Variants in LRP1B observed in about 807,000 individuals in gnomAD.
LRP1B encodes low-density lipoprotein receptor-related protein 1B.
LRP1B carries 217 observed loss-of-function variants against 556.6 expected under a neutral mutation model. The ratio of observed to expected loss-of-function variants is 0.39; its 90% CI spans 0.35 to 0.44. The LOEUF (loss-of-function observed/expected upper bound fraction) is 0.44. Among genes scored for constraint, LRP1B ranks in the 20% least tolerant of loss-of-function variants. LRP1B has a pLI of 1.00. For missense variants in LRP1B, 5,053 were observed against 5,620.8 expected, an observed-to-expected ratio of 0.90 and a Z score of 3.23; for synonymous variants, 2,047 against 1,865.8, an observed-to-expected ratio of 1.10 and a Z score of -2.50.
At chr2:141,428,433 C>T (rs1018482829) in intron 3 of LRP1B, among the ~76,000 whole-genome samples, 2 of 152,116 alleles carry the variant, frequency 1.3e-5, no homozygotes, top group Non-Finnish European at 2.9e-5. Flanking sequence ...AAATCTAATG[C>T]TAAGCTAAAA....
chr2:141,071,737 G>A (rs1699649584), intron 7 of LRP1B, among the ~76,000 whole-genome samples: 1 of 152,132 alleles, frequency 6.6e-6, no homozygotes, highest in South Asian at 2.1e-4. Flanking sequence ...CAAATCATGA[G>A]TGAGCTCCCA....
At chr2:141,739,738 G>T (rs1017780625) in intron 2 of LRP1B, among the ~76,000 whole-genome samples, 1 of 148,108 alleles carries the variant, frequency 6.8e-6, no homozygotes, top group African/African-American at 2.5e-5. Context: ...ATGAATAAAA[G>T]ATATGCAACA....
Position 141,220,330 on chromosome 2 carries a change from C to A in LRP1B, c.850+8853G>T, listed in dbSNP as rs574832815. ...CAAGGTGGAGGAAAGGATATCAGAG[C>A]ATGAAGACTATATTGATGAAATAAG... On this transcript the variant is annotated intron_variant, in intron 6 of 90. Transcript: ENST00000389484. Among the ~76,000 whole-genome samples the A allele has an allele frequency of 3.3e-5, 5 of 152,064 alleles. No individual in the cohort carries two copies. The East Asian group carries it at 9.7e-4, about 29-fold the overall frequency.
intron 41 of LRP1B, among the ~76,000 whole-genome samples, chr2:140,695,634 A>G (rs1686404183): frequency 6.6e-6 from 1 of 152,172 alleles, no homozygotes; most frequent in Non-Finnish European, 1.5e-5. Flanking sequence ...TTCATTTTAA[A>G]TATATTTTAT....
chr2:141,921,455 T>C lies in LRP1B; in HGVS notation c.83-111054A>G, dbSNP rs1209040730. 2.0e-5 allele frequency among the ~76,000 whole-genome samples: 3 copies of C among 152,050 alleles called. No homozygotes were observed. In the East Asian group the frequency reaches 5.8e-4, roughly 29 times the overall value. On this transcript the variant is annotated intron_variant, in intron 1 of 90. Coordinates refer to ENST00000389484, the MANE Select transcript of LRP1B (RefSeq NM_018557.3). The stretch of plus-strand genomic sequence containing the variant: ...TACATGTCTGTAAAATGTGGGTGTA[T>C]ATATGGGTTCTATGTATGTGTTTGT...
At chr2:140,970,643 G>C (rs541702657) in intron 18 of LRP1B, among the ~76,000 whole-genome samples, 2 of 145,968 alleles carry the variant, frequency 1.4e-5, no homozygotes, top group South Asian at 4.4e-4. Context: ...GACTGGAGCT[G>C]TTCCTATTTG....
chr2:142,032,821 A>G (rs1703753048), intron 1 of LRP1B, among the ~76,000 whole-genome samples: 1 of 151,764 alleles, frequency 6.6e-6, no homozygotes, highest in East Asian at 1.9e-4. Context: ...TAGGAGGCAG[A>G]CCGAAGACCA....
At chr2:140,709,260 T>C (rs1159824392) in intron 37 of LRP1B, among the ~76,000 whole-genome samples, 4 of 152,210 alleles carry the variant, frequency 2.6e-5, no homozygotes, top group African/African-American at 4.8e-5. Context: ...AGAGATTATA[T>C]ACCATGGGAA....
At chr2:140,876,557 C>T (rs962267635) in intron 25 of LRP1B, among the ~76,000 whole-genome samples, 2 of 152,126 alleles carry the variant, frequency 1.3e-5, no homozygotes, top group Non-Finnish European at 2.9e-5. Flanking sequence ...AAAAACTGAC[C>T]TCATACCTTG....
chr2:142,107,794 A>ATTTTTTTTTTTT (rs67962280), intron 1 of LRP1B, among the ~76,000 whole-genome samples: 46 of 110,586 alleles, frequency 4.2e-4, no homozygotes, highest in Non-Finnish European at 4.7e-4. Context: ...CGCCTAGCTA[A>ATTTTTTTTTTTT]TTTTTTTTTT....
intron 85 of LRP1B, among the ~76,000 whole-genome samples, chr2:140,271,491 G>A (rs1682459548): frequency 6.6e-6 from 1 of 151,950 alleles, no homozygotes; most frequent in African/African-American, 2.4e-5. Context: ...TTGACATGTA[G>A]TTCATTTATT....
intron 57 of LRP1B, among the ~76,000 whole-genome samples, chr2:140,491,989 A>G (rs1034660840): frequency 1.3e-5 from 2 of 152,166 alleles, no homozygotes; most frequent in African/African-American, 4.8e-5. Context: ...CAGCTGCTAC[A>G]CAGCTTGGAT....
At chr2:140,870,144 C>CA (rs530138645) in intron 25 of LRP1B, among the ~76,000 whole-genome samples, 32 of 151,934 alleles carry the variant, frequency 2.1e-4, no homozygotes, top group Middle Eastern at 3.4e-3. Flanking sequence ...ACAACAAAGA[C>CA]AAAAAAAGAC....
chr2:140,384,636 G>A lies in LRP1B; in HGVS notation c.10531+1257C>T, dbSNP rs1163154068. On this transcript the variant is annotated intron_variant, in intron 67 of 90. Coordinates refer to ENST00000389484, the MANE Select transcript of LRP1B (RefSeq NM_018557.3). Reference sequence around the variant, plus strand: ...CATTCCCAAAGACAGGTCTGATTAAGTTTTGAAAGTTATCCAAAACATTAG... The same window carrying A: ...CATTCCCAAAGACAGGTCTGATTAAATTTTGAAAGTTATCCAAAACATTAG... 2.6e-5 allele frequency among the ~76,000 whole-genome samples: 4 copies of A among 152,158 alleles called. No homozygotes were observed. In the East Asian group the frequency reaches 5.8e-4, roughly 22 times the overall value.
chr2:141,384,255 C>T (rs1224585434), intron 3 of LRP1B, among the ~76,000 whole-genome samples: 2 of 151,488 alleles, frequency 1.3e-5, no homozygotes, highest in African/African-American at 4.9e-5. Flanking sequence ...GTACTTTAGG[C>T]TAAAATGAAA....
At chr2:141,669,116 G>A (rs545368538) in intron 2 of LRP1B, among the ~76,000 whole-genome samples, 3 of 151,062 alleles carry the variant, frequency 2.0e-5, no homozygotes, top group South Asian at 4.1e-4. Context: ...TGGAGATGGG[G>A]GCTTTGAAGA....
chr2:140,776,438 C>G (rs1473168277), intron 32 of LRP1B, among the ~76,000 whole-genome samples, 200 bp from the exon 33 acceptor site: 1 of 148,676 alleles, frequency 6.7e-6, no homozygotes, highest in Admixed American at 6.8e-5. Flanking sequence ...TCCTCCTCCT[C>G]TACAGTTAGA....
At chr2:141,793,245 G>C (rs1695682072) in intron 2 of LRP1B, among the ~76,000 whole-genome samples, 1 of 151,870 alleles carries the variant, frequency 6.6e-6, no homozygotes, top group Non-Finnish European at 1.5e-5. Flanking sequence ...ATAGTGTTAT[G>C]TTCTTCATTC....
chr2:141,268,877 CAAGA>C (rs1424809520), intron 3 of LRP1B, among the ~76,000 whole-genome samples: 1 of 152,102 alleles, frequency 6.6e-6, no homozygotes, highest in African/African-American at 2.4e-5. Flanking sequence ...AGGAACAGAT[CAAGA>C]ATGTACTGGG....
Sources: allele counts gnomAD v4.1 joint callset (sites outside exome capture counted in the v4.1 genomes callset), GRCh38; gene constraint gnomAD v4.1.1; transcripts MANE v1.5; gene names NCBI Gene and HGNC (gene_info 2026-07-23, HGNC 2026-07-21).